The following BORCS5 variants were observed in gnomAD, a reference collection of about 807,000 sequenced individuals.
The protein encoded by BORCS5 is BLOC-1-related complex subunit 5.
Under a neutral mutation model 22.1 loss-of-function variants are expected in BORCS5, and 17 were observed. The observed-to-expected ratio is 0.77, with a 90% CI of 0.53 to 1.15. The LOEUF is 1.15. Among genes scored for constraint, BORCS5 ranks in the 50% most tolerant of loss-of-function variants. BORCS5 has a pLI of 0.00. For missense variants in BORCS5, 247 were observed against 253.2 expected (o/e 0.98, Z 0.17); for synonymous variants, 117 against 99.8 (o/e 1.17, Z -1.03).
intron 2 of BORCS5, among the ~76,000 whole-genome samples, chr12:12,426,620 C>T (rs1028664954): frequency 3.3e-5 from 5 of 152,196 alleles, no homozygotes; most frequent in African/African-American, 1.2e-4. Context: ...TCCCTTGAAC[C>T]CTTTACTTCT....
At position 12,370,970 on chromosome 12, in the gene BORCS5, C is replaced by T. The variant is rs555370131; in HGVS notation, c.202+9621C>T. Among the ~76,000 whole-genome samples the T allele has an allele frequency of 5.9e-5, 9 of 152,180 alleles. No individual in the cohort carries two copies. The South Asian group carries it at 1.4e-3, about 24-fold the overall frequency. ...TTCACTGTGTTAGCCAGGGTGGTCT[C>T]GATCTCCTGACCTTGTGATCCGCCC... On this transcript the variant is annotated intron_variant, in intron 2 of 3. Transcript: ENST00000314565.
At chr12:12,365,246 T>G (rs1592053576) in intron 2 of BORCS5, among the ~76,000 whole-genome samples, 2 of 152,056 alleles carry the variant, frequency 1.3e-5, no homozygotes, top group Admixed American at 1.3e-4. Context: ...CATGGCTCAC[T>G]CCAGCCTCCA....
At chr12:12,415,576 A>AGGGGGG (rs1565887960) in intron 2 of BORCS5, among the ~76,000 whole-genome samples, 5 of 37,920 alleles carry the variant, frequency 1.3e-4, no homozygotes, top group African/African-American at 2.1e-4. Context: ...GGGGAGGGGG[A>AGGGGGG]GGGGCGATTT....
At chr12:12,374,765 C>G (rs1412391292) in intron 2 of BORCS5, among the ~76,000 whole-genome samples, 2 of 151,880 alleles carry the variant, frequency 1.3e-5, no homozygotes, top group African/African-American at 4.8e-5. Context: ...TGAGACCACC[C>G]TGGCCAACAT....
intron 2 of BORCS5, among the ~76,000 whole-genome samples, chr12:12,403,150 C>T (rs1941515132): frequency 6.6e-6 from 1 of 151,942 alleles, no homozygotes; most frequent in Admixed American, 6.6e-5. Context: ...CCTCATTTGG[C>T]AGATGAGGGT....
chr12:12,438,360 C>CAAAAAAAAAAAAAAAAAA (rs57737663), intron 3 of BORCS5, among the ~76,000 whole-genome samples: 15 of 23,798 alleles, frequency 6.3e-4, no homozygotes, highest in Admixed American at 9.0e-4. Flanking sequence ...GATTTCATCT[C>CAAAAAAAAAAAAAAAAAA]AAAAAAAAAA....
At chr12:12,465,290 C>T (rs1217107912) in intron 3 of BORCS5, among the ~76,000 whole-genome samples, 1 of 152,210 alleles carries the variant, frequency 6.6e-6, no homozygotes, top group Non-Finnish European at 1.5e-5. Flanking sequence ...AGGATCTCAA[C>T]AAGGTACAAA....
intron 3 of BORCS5, chr12:12,452,590 G>T: frequency 3.1e-6 from 1 of 324,480 alleles, no homozygotes; most frequent in Non-Finnish European, 6.0e-6. Flanking sequence ...ACTCCCTCCC[G>T]CACGCCGGCA....
intron 2 of BORCS5, among the ~76,000 whole-genome samples, chr12:12,419,375 C>T (rs967232508): frequency 6.6e-6 from 1 of 152,164 alleles, no homozygotes; most frequent in African/African-American, 2.4e-5. Flanking sequence ...GACATGAACT[C>T]ATCCTTTTTT....
At chr12:12,459,061 T>G (rs1283136380) in intron 3 of BORCS5, among the ~76,000 whole-genome samples, 1 of 150,642 alleles carries the variant, frequency 6.6e-6, no homozygotes, top group Non-Finnish European at 1.5e-5. Flanking sequence ...CAGGCCCGAC[T>G]AATTTTGTAT....
Position 12,387,159 on chromosome 12 carries a change from T to G in BORCS5, c.202+25810T>G, listed in dbSNP as rs562077859. On this transcript the variant is annotated intron_variant, in intron 2 of 3. Transcript: ENST00000314565. ...TTGGGATTGCAGGTTTGAGCTCTCA[T>G]GCCTAGCAAGATTCATTATGTGGTT... is the stretch of plus-strand genomic sequence containing the variant. Among the ~76,000 whole-genome samples, 28 of 151,686 alleles carry G rather than the reference T, an allele frequency of 1.8e-4. 2 individuals carry two copies. Among genetic ancestry groups the G allele is most frequent in the Admixed American group, 1.6e-3 (25 of 15,226 alleles).
chr12:12,376,573 T>C (rs1414339521), intron 2 of BORCS5, among the ~76,000 whole-genome samples: 5 of 152,182 alleles, frequency 3.3e-5, no homozygotes, highest in Non-Finnish European at 7.3e-5. Context: ...TTCTCTAACT[T>C]AAAGAATCAG....
At chr12:12,368,678 A>G (rs907442269) in intron 2 of BORCS5, among the ~76,000 whole-genome samples, 3 of 151,416 alleles carry the variant, frequency 2.0e-5, no homozygotes, top group Non-Finnish European at 4.4e-5. Context: ...CCCTGGGCTC[A>G]AGCAGACCTC....
At chr12:12,404,073 A>G (rs1941540022) in intron 2 of BORCS5, among the ~76,000 whole-genome samples, 1 of 152,172 alleles carries the variant, frequency 6.6e-6, no homozygotes, top group Non-Finnish European at 1.5e-5. Flanking sequence ...CATATCTTCA[A>G]ATATGGGTGA....
chr12:12,390,358 C>T (rs2136056842), intron 2 of BORCS5, among the ~76,000 whole-genome samples: 1 of 152,224 alleles, frequency 6.6e-6, no homozygotes, highest in South Asian at 2.1e-4. Flanking sequence ...ACAATCTTTA[C>T]ATAGATCATG....
intron 3 of BORCS5, among the ~76,000 whole-genome samples, chr12:12,438,360 C>CCAAAAAAAAAAAA: frequency 4.2e-5 from 1 of 23,814 alleles, no homozygotes; most frequent in East Asian, 9.7e-4. Context: ...GATTTCATCT[C>CCAAAAAAAAAAAA]AAAAAAAAAA....
chr12:12,413,547 C>T (rs766077054), intron 2 of BORCS5, among the ~76,000 whole-genome samples: 169 of 145,804 alleles, frequency 1.2e-3, no homozygotes, highest in Non-Finnish European at 2.0e-3. Flanking sequence ...CCTTTCTATT[C>T]CACAAAACCG....
At chr12:12,432,849 G>T (rs1942462571) in intron 2 of BORCS5, among the ~76,000 whole-genome samples, 1 of 152,172 alleles carries the variant, frequency 6.6e-6, no homozygotes, top group Non-Finnish European at 1.5e-5. Flanking sequence ...ATGTTGAATG[G>T]ATTAATGGTT....
intron 1 of BORCS5, among the ~76,000 whole-genome samples, chr12:12,359,842 A>T (rs1317000349): frequency 6.6e-6 from 1 of 152,084 alleles, no homozygotes; most frequent in Non-Finnish European, 1.5e-5. Context: ...TTGTGTACCA[A>T]TAACTTGTAG....
Sources: allele counts gnomAD v4.1 joint callset (sites outside exome capture counted in the v4.1 genomes callset), GRCh38; gene constraint gnomAD v4.1.1; transcripts MANE v1.5; gene names NCBI Gene and HGNC (gene_info 2026-07-23, HGNC 2026-07-21).